The following AQP9 variants were observed in gnomAD, a reference collection of about 807,000 sequenced individuals.
The protein encoded by AQP9 is aquaporin 9.
AQP9 carries 19 observed loss-of-function variants against 23.8 expected under a neutral mutation model. The observed-to-expected ratio is 0.80, with a 90% CI of 0.56 to 1.17. The LOEUF (loss-of-function observed/expected upper bound fraction) is 1.17. AQP9 is among the 50% of genes most tolerant of loss of function. AQP9 has a pLI of 0.00. For missense variants in AQP9, 413 were observed against 362.0 expected (o/e 1.14, Z -1.14); for synonymous variants, 153 against 131.5 (o/e 1.16, Z -1.12).
chr15:58,172,132 A>T (rs1375018663), intron 2 of AQP9, among the ~76,000 whole-genome samples: 2 of 152,206 alleles, frequency 1.3e-5, no homozygotes, highest in Non-Finnish European at 1.5e-5. Context: ...AGGCTCTAGA[A>T]TTCAGATAAA....
rs754752020 is a variant in AQP9, at chr15:58,173,102, G to C, written c.273G>C (p.Met91Ile). The change falls in exon 3 of 6, where the codon ATG (methionine) becomes ATC (isoleucine). Residue 91 changes from methionine to isoleucine, a missense_variant. By Grantham distance (10) the Met-to-Ile change is conservative (BLOSUM62 1). Coordinates refer to ENST00000219919, the MANE Select transcript of AQP9 (RefSeq NM_020980.5). ...GHINPAVSLA[M>I]CLFGRMKWFK... ...TCAACCCAGCTGTGTCTTTAGCAAT[G>C]TGTCTCTTTGGACGGATGAAATGGT... The C allele has an allele frequency of 5.0e-6, 8 of 1,614,008 alleles. No individual in the cohort carries two copies. Among genetic ancestry groups the C allele is most frequent in the Non-Finnish European group, 5.1e-6 (6 of 1,179,892 alleles).
intron 3 of AQP9, among the ~76,000 whole-genome samples, chr15:58,173,934 T>C: frequency 1.3e-5 from 2 of 152,220 alleles, no homozygotes; most frequent in Middle Eastern, 6.8e-3. Flanking sequence ...CATTATGACT[T>C]ACCCAAACTG....
At chr15:58,155,374 TTC>T (rs1898228790) in intron 1 of AQP9, 3 of 152,316 alleles carry the variant, frequency 2.0e-5, no homozygotes, top group Admixed American at 2.0e-4. Context: ...AGGCCAAATC[TTC>T]TGAGTTTTTA....
chr15:58,183,933 G>T (rs1455537265), intron 5 of AQP9, 28 bp from the exon 6 acceptor site: 2 of 1,610,810 alleles, frequency 1.2e-6, no homozygotes, highest in Non-Finnish European at 8.5e-7. Context: ...GCCAAGAAAT[G>T]TATCACTAAT....
At chr15:58,165,369 T>TA (rs1566986758) in intron 1 of AQP9, among the ~76,000 whole-genome samples, 17 of 152,120 alleles carry the variant, frequency 1.1e-4, no homozygotes, top group Non-Finnish European at 2.1e-4. Context: ...GCCCATTTTT[T>TA]TAAAAAAATT....
In AQP9 at chr15:58,166,853, C is replaced by T. The variant is rs569740813; in HGVS notation, c.238+54C>T. On this transcript the variant is annotated intron_variant, in intron 2 of 5. Transcript: ENST00000219919. ...CTTAATTCAGCCACTCCAATGTGCC[C>T]GCACAGTGCTGGCTGCTTCACATAC... 48 of 1,597,478 alleles carry T rather than the reference C, an allele frequency of 3.0e-5. 1 individual carries two copies. In the African/African-American group the frequency reaches 4.8e-4, roughly 16 times the overall value.
Position 58,166,669 on chromosome 15 carries a change from C to T in AQP9, c.112-4C>T, listed in dbSNP as rs1209619319. 1 of 1,608,264 alleles carries T rather than the reference C, an allele frequency of 6.2e-7. No homozygotes were observed. The highest frequency in any genetic ancestry group is 1.3e-5 in the African/African-American group (1 of 74,654). ...TTACCTGTTGAGTTTTCCTCTCATT[C>T]CAGGTCCTTGGATGTGGCTGTGTTG... On this transcript the variant is annotated splice_region_variant and splice_polypyrimidine_tract_variant and intron_variant, in intron 1 of 5. Coordinates refer to ENST00000219919, the MANE Select transcript of AQP9 (RefSeq NM_020980.5).
chr15:58,163,728 G>C (rs965679281), intron 1 of AQP9, among the ~76,000 whole-genome samples: 1 of 152,146 alleles, frequency 6.6e-6, no homozygotes, highest in African/African-American at 2.4e-5. Flanking sequence ...GGTGAGATCA[G>C]GGAATCACGA....
chr15:58,138,496 C>G lies in AQP9; in HGVS notation c.-70C>G, dbSNP rs914202306. On this transcript the variant is annotated 5_prime_UTR_variant, in exon 1 of 6. In the 5' UTR this introduces an upstream ATG that the reference lacks. Transcript: ENST00000219919. Reference sequence around the variant, plus strand: ...CCATTGTCAAAACGTCCATTTTCATCTGGCTGTGAAAGTGAGGACCACAAC... The same window carrying G: ...CCATTGTCAAAACGTCCATTTTCATGTGGCTGTGAAAGTGAGGACCACAAC... 3.1e-5 allele frequency: 38 copies of G among 1,244,176 alleles called. No homozygotes were observed. Among genetic ancestry groups the G allele is most frequent in the East Asian group, 3.0e-4 (13 of 42,948 alleles). The allele number at this position is 1,244,176 out of a possible 1,614,324, so 77.1% of individuals were successfully genotyped here. A position where few individuals can be genotyped will look rare whatever the true frequency, so the allele number is the denominator to read the frequency against.
At chr15:58,138,733 G>T (rs527487866) in intron 1 of AQP9, 57 bp downstream of exon 1, 1 of 1,446,652 alleles carries the variant, frequency 6.9e-7, no homozygotes, top group Admixed American at 1.7e-5. Flanking sequence ...TAGCTGCCAG[G>T]CTGGTAGTGG....
At chr15:58,178,785 G>A (rs55860231) in intron 4 of AQP9, among the ~76,000 whole-genome samples, 18,859 of 152,020 alleles carry the variant, frequency 0.12, 1,443 homozygotes, top group Non-Finnish European at 0.17. Context: ...GCAGCTTGCC[G>A]TTCTACTTAG....
At chr15:58,139,602 A>G (rs1897916747) in intron 1 of AQP9, among the ~76,000 whole-genome samples, 1 of 152,368 alleles carries the variant, frequency 6.6e-6, no homozygotes, top group Non-Finnish European at 1.5e-5. Flanking sequence ...GTTATAGAGA[A>G]TAGCCCATAA....
chr15:58,145,509 A>T (rs549761827), intron 1 of AQP9, among the ~76,000 whole-genome samples: 5 of 149,074 alleles, frequency 3.4e-5, no homozygotes, highest in African/African-American at 9.8e-5. Context: ...AAAATTACCC[A>T]TATATATATA....
At chr15:58,169,168 G>C (rs1898569901) in intron 2 of AQP9, among the ~76,000 whole-genome samples, 1 of 152,198 alleles carries the variant, frequency 6.6e-6, no homozygotes, top group Non-Finnish European at 1.5e-5. Context: ...ATAGTTACAA[G>C]AGTAAGGGCC....
intron 1 of AQP9, among the ~76,000 whole-genome samples, chr15:58,165,027 G>T (rs1308879671): frequency 6.6e-6 from 1 of 152,016 alleles, no homozygotes. Context: ...ATTTGTTTCT[G>T]AAATATTTCC....
chr15:58,142,344 T>C (rs1306148105), intron 1 of AQP9, among the ~76,000 whole-genome samples: 1 of 152,230 alleles, frequency 6.6e-6, no homozygotes, highest in Non-Finnish European at 1.5e-5. Context: ...AGTCATTCCC[T>C]AATACCATCA....
intron 4 of AQP9, among the ~76,000 whole-genome samples, chr15:58,175,421 T>C (rs1415991973): frequency 6.6e-6 from 1 of 152,224 alleles, no homozygotes; most frequent in East Asian, 1.9e-4. Context: ...TGAAGGGTGG[T>C]AGTTGAGCCT....
At chr15:58,155,671 C>G (rs1298691469) in intron 1 of AQP9, 1 of 152,156 alleles carries the variant, frequency 6.6e-6, no homozygotes, top group Non-Finnish European at 1.5e-5. Context: ...TCCTCCTCCT[C>G]TTCCTAATAA....
At chr15:58,149,476 CT>C (rs1200433911) in intron 1 of AQP9, among the ~76,000 whole-genome samples, 1 of 152,168 alleles carries the variant, frequency 6.6e-6, no homozygotes, top group Non-Finnish European at 1.5e-5. Context: ...CTTCTCTAAG[CT>C]TTGGTTTCCT....
Sources: gnomAD v4.1 joint callset for allele counts (sites outside exome capture counted in the v4.1 genomes callset) on GRCh38, gnomAD v4.1.1 for gene constraint, MANE v1.5 for transcripts, NCBI Gene and HGNC (gene_info 2026-07-23, HGNC 2026-07-21) for gene names.